Variants in FAM83A observed in about 807,000 individuals in gnomAD.
The protein encoded by FAM83A is scaffolding CK1 anchoring protein A, also known as protein FAM83A.
In FAM83A, 21 loss-of-function variants were observed where a neutral mutation model predicts 24.4. That is an observed-to-expected ratio of 0.86 (90% CI 0.61 to 1.24). The LOEUF (loss-of-function observed/expected upper bound fraction) is 1.24. Ranked by LOEUF, FAM83A falls within the 50% of genes most tolerant of loss-of-function variation. The pLI is 0.00. For missense variants in FAM83A, 617 were observed against 579.8 expected (o/e 1.06, Z -0.66); for synonymous variants, 270 against 252.4 (o/e 1.07, Z -0.66).
chr8:123,185,356 C>G (rs1431126644), intron 1 of FAM83A, among the ~76,000 whole-genome samples: 1 of 152,066 alleles, frequency 6.6e-6, no homozygotes, highest in South Asian at 2.1e-4. Flanking sequence ...CGCAGCTGCT[C>G]GAAGGGTGAG....
chr8:123,191,827 T>C (rs1172918589), exon 2 of FAM83A: 5 of 1,613,948 alleles, frequency 3.1e-6, no homozygotes, highest in East Asian at 2.2e-5. Flanking sequence ...GATGGATGTG[T>C]TCACGGATGT....
At chr8:123,202,435 C>G (rs780930675) in intron 3 of FAM83A, 2 of 153,278 alleles carry the variant, frequency 1.3e-5, no homozygotes, top group Non-Finnish European at 2.9e-5. Flanking sequence ...CACCCCGAGC[C>G]CTCTTATCCT....
Position 123,209,395 on chromosome 8 carries a change from T to G in FAM83A, c.*1707T>G, listed in dbSNP as rs34005872. The G allele has an allele frequency of 6.3e-7, 1 of 1,598,466 alleles. No individual in the cohort carries two copies. The highest frequency in any genetic ancestry group is 8.5e-7 in the Non-Finnish European group (1 of 1,171,078). Reference sequence around the variant, plus strand: ...TTATTATTATTATTATTAATTATTGTATTCCTGTCCTTCACTTTTTTCCTC... The same window carrying G: ...TTATTATTATTATTATTAATTATTGGATTCCTGTCCTTCACTTTTTTCCTC... On this transcript the variant is annotated 3_prime_UTR_variant, in exon 4 of 4. Transcript: ENST00000690554. The surrounding 1 kb of genome is among the most constrained non-coding windows in gnomAD (Gnocchi z 4.7).
chr8:123,181,453 C>T (rs1823598048), upstream of FAM83A, among the ~76,000 whole-genome samples: 2 of 152,100 alleles, frequency 1.3e-5, no homozygotes, highest in Admixed American at 6.6e-5. Flanking sequence ...GCGTCAGGGC[C>T]TTGCTTTCAT....
At chr8:123,207,904 T>G in exon 4 of FAM83A, 2 of 1,275,014 alleles carry the variant, frequency 1.6e-6, no homozygotes, top group Non-Finnish European at 2.0e-6. Context: ...TGCAGCACAT[T>G]CCAGAAGGTT....
At chr8:123,207,673 C>G (rs2131113153) in exon 4 of FAM83A, 2 of 1,508,802 alleles carry the variant, frequency 1.3e-6, no homozygotes, top group South Asian at 2.6e-5. Flanking sequence ...TCCTGCAGGC[C>G]TCCCCTCACT....
chr8:123,201,046 TA>T (rs901118585), intron 3 of FAM83A: 19 of 150,516 alleles, frequency 1.3e-4, no homozygotes, highest in Non-Finnish European at 1.5e-5. Context: ...TCTTGGCTAC[TA>T]GGGAGGGTGA....
chr8:123,184,622 C>T (rs189509702), intron 1 of FAM83A, among the ~76,000 whole-genome samples: 3 of 152,206 alleles, frequency 2.0e-5, no homozygotes, highest in East Asian at 1.9e-4. Context: ...TGCTGTCAGC[C>T]GGAGACAAGT....
chr8:123,195,726 A>C (rs1432685889), intron 3 of FAM83A, among the ~76,000 whole-genome samples: 1 of 152,160 alleles, frequency 6.6e-6, no homozygotes. Flanking sequence ...GACACAGTGA[A>C]AGTGTATCTT....
intron 3 of FAM83A, among the ~76,000 whole-genome samples, chr8:123,206,309 A>C (rs1824550792): frequency 6.7e-6 from 1 of 150,206 alleles, no homozygotes; most frequent in South Asian, 2.1e-4. Context: ...TCCATAAACC[A>C]CTCCTGTCAG....
At chr8:123,188,633 G>A (rs1055643882) in intron 1 of FAM83A, among the ~76,000 whole-genome samples, 7 of 152,076 alleles carry the variant, frequency 4.6e-5, no homozygotes, top group East Asian at 1.9e-4. Flanking sequence ...ACAGGCGTGC[G>A]CCACCACACT....
At chr8:123,193,311 C>T (rs923683129) in intron 2 of FAM83A, among the ~76,000 whole-genome samples, 1 of 152,238 alleles carries the variant, frequency 6.6e-6, no homozygotes, top group African/African-American at 2.4e-5. Context: ...GGTCAAGCCA[C>T]TTACAAGGCA....
chr8:123,207,599 C>A lies in FAM83A; in HGVS notation c.1216C>A (p.Pro406Thr), dbSNP rs537885628. 5 of 1,568,770 alleles carry A rather than the reference C, an allele frequency of 3.2e-6. No individual in the cohort carries two copies. In the South Asian group the frequency reaches 3.5e-5, roughly 11 times the overall value. The change falls in exon 4 of 4, where the codon CCC (proline) becomes ACC (threonine). Residue 406 changes from proline to threonine, a missense_variant. By Grantham distance (38) the Pro-to-Thr change is conservative. Coordinates refer to ENST00000690554, the Ensembl canonical transcript of FAM83A. ...CTACAGCAACCTGGGGGCCTACAGG[C>A]CCACGCGGCTGCAGCTGGAGCAGCT... is the stretch of plus-strand genomic sequence containing the variant.
intron 1 of FAM83A, among the ~76,000 whole-genome samples, chr8:123,185,623 C>T (rs1375108384): frequency 1.3e-5 from 2 of 152,220 alleles, no homozygotes; most frequent in South Asian, 2.1e-4. Flanking sequence ...TTGGCTGCTT[C>T]GTTGGGTGGG....
At position 123,194,238 on chromosome 8, in the gene FAM83A, AC is replaced by A. The variant is rs1824071166; in HGVS notation, c.773+95del. ...CAGCTCCCGCTGCTCAGACACAAAC[AC>A]CCCCAGCAGCTCCCAGAAGGTCTCC... On this transcript the variant is annotated intron_variant, in intron 3 of 3. Transcript: ENST00000690554. 9 of 1,543,504 alleles carry A rather than the reference AC, an allele frequency of 5.8e-6. No homozygotes were observed. The South Asian group carries it at 8.5e-5, about 15-fold the overall frequency.
At chr8:123,208,365 G>T (rs1455296368) in exon 4 of FAM83A, 2 of 985,682 alleles carry the variant, frequency 2.0e-6, no homozygotes, top group Non-Finnish European at 2.4e-6. Flanking sequence ...GTTGGACAAG[G>T]CAGGTTAGTA....
At chr8:123,183,653 TTTTC>T (rs1454327964) in intron 1 of FAM83A, among the ~76,000 whole-genome samples, 3 of 151,686 alleles carry the variant, frequency 2.0e-5, no homozygotes, top group Non-Finnish European at 2.9e-5. Context: ...CTTTCTTTTT[TTTTC>T]TTTTTTTTCT....
At chr8:123,194,569 C>T (rs560256286) in intron 3 of FAM83A, among the ~76,000 whole-genome samples, 1 of 151,634 alleles carries the variant, frequency 6.6e-6, no homozygotes, top group Non-Finnish European at 1.5e-5. Flanking sequence ...TTGCAACCTC[C>T]GCCTCCAGGA....
rs147466292 is a variant in FAM83A, at chr8:123,192,011, C to T, written c.648+41C>T. ...AGAGTCCTAAGGGTACTCATATTAG[C>T]CCAGATAGGATAGTCTATGCAATAG... On this transcript the variant is annotated intron_variant, in intron 2 of 3. Transcript: ENST00000690554. 4.0e-4 allele frequency: 637 copies of T among 1,601,256 alleles called. 4 individuals carry two copies. The African/African-American group carries it at 7.6e-3, about 19-fold the overall frequency.
Sources: allele counts gnomAD v4.1 joint callset (sites outside exome capture counted in the v4.1 genomes callset), GRCh38; gene constraint gnomAD v4.1.1; non-coding constraint Gnocchi (gnomAD v3.1); transcripts MANE v1.5; gene names NCBI Gene and HGNC (gene_info 2026-07-23, HGNC 2026-07-21).